The following GSN variants were observed in gnomAD, a reference collection of about 807,000 sequenced individuals.
GSN encodes the protein actin-depolymerizing factor.
In GSN, 56 loss-of-function variants were observed where a neutral mutation model predicts 85.7. The observed-to-expected ratio is 0.65, with a 90% CI of 0.53 to 0.82. The LOEUF (loss-of-function observed/expected upper bound fraction) is 0.82. Ranked by LOEUF, GSN falls within the 40% of genes least tolerant of loss-of-function variation. The pLI is 0.00. For synonymous variants in GSN, 373 were observed against 399.1 expected, an observed-to-expected ratio of 0.93 and a Z score of 0.78; for missense variants, 857 against 979.8, an observed-to-expected ratio of 0.87 and a Z score of 1.67.
intron 11 of GSN, 112 bp downstream of exon 11, chr9:121,321,513 T>C (rs1186055800): frequency 2.0e-6 from 2 of 985,662 alleles, no homozygotes; most frequent in Non-Finnish European, 3.1e-6. Context: ...CACTCCCTGC[T>C]GGGAGAGGCT....
At chr9:121,310,990 A>G in intron 5 of GSN, 145 bp downstream of exon 5, 1 of 732,332 alleles carries the variant, frequency 1.4e-6, no homozygotes. Context: ...ATATGTCTGT[A>G]TGCAAAGACT....
intron 4 of GSN, among the ~76,000 whole-genome samples, chr9:121,225,342 A>C (rs1481378694): frequency 6.6e-6 from 1 of 152,254 alleles, no homozygotes; most frequent in East Asian, 1.9e-4. Context: ...CCAGTCTTTT[A>C]AACACAAAAG....
At chr9:121,244,723 C>T (rs1019525528) in intron 5 of GSN, among the ~76,000 whole-genome samples, 17 of 152,096 alleles carry the variant, frequency 1.1e-4, no homozygotes, top group African/African-American at 4.1e-4. Context: ...GGTACATCCC[C>T]CAAATGAAGT....
At chr9:121,295,137 C>T (rs376820398) in intron 2 of GSN, among the ~76,000 whole-genome samples, 127 of 152,306 alleles carry the variant, frequency 8.3e-4, no homozygotes, top group Admixed American at 3.9e-4. Flanking sequence ...TTACTTTTGG[C>T]GAGCTCCTGT....
At chr9:121,208,322 C>T (rs1292250211) in intron 1 of GSN, among the ~76,000 whole-genome samples, 1 of 152,168 alleles carries the variant, frequency 6.6e-6, no homozygotes, top group East Asian at 1.9e-4. Context: ...AGGTTCCTGC[C>T]AGAGCCCTGA....
chr9:121,299,287 G>C lies in GSN; in HGVS notation c.-9-2676G>C. On this transcript the variant is annotated intron_variant, in intron 2 of 17. Coordinates refer to ENST00000432226, the MANE Select transcript of GSN (RefSeq NM_198252.3). The surrounding 1 kb of genome is among the most constrained non-coding windows in gnomAD (Gnocchi z 4.2). ...CCTGCCCACGGGAGCCGGGTCCCCTGCCCTGCTGCGGCGCATGCTGCCTGG... is the reference window on the plus strand; with the variant it reads ...CCTGCCCACGGGAGCCGGGTCCCCTCCCCTGCTGCGGCGCATGCTGCCTGG... 1.0e-6 allele frequency: 1 copy of C among 985,360 alleles called. No individual in the cohort carries two copies. 61.0% of individuals were successfully genotyped at this position (985,360 alleles called of 1,614,324 possible). A position where few individuals can be genotyped will look rare whatever the true frequency, so the allele number is the denominator to read the frequency against.
chr9:121,268,084 CCCCGCCCCGAGGGCGGCT>C (rs1442634301), upstream of GSN: 1 of 151,670 alleles, frequency 6.6e-6, no homozygotes, highest in Non-Finnish European at 1.5e-5. Context: ...TGCCCGGCCG[CCCCGCCCCGAGGGCGGCT>C]CCCGCCCGCG....
In GSN at chr9:121,324,542, T is replaced by C. The variant is rs370948600; in HGVS notation, c.1326-12T>C. On this transcript the variant is annotated splice_polypyrimidine_tract_variant and intron_variant, in intron 11 of 17. Transcript: ENST00000432226. ...TGTGCACCCTGATGCTGAATCTCAC[T>C]TCCCCTTCCAGGCAGGGTGCCCAGT... 3 of 1,432,316 alleles carry C rather than the reference T, an allele frequency of 2.1e-6. No individual in the cohort carries two copies. The African/African-American group carries it at 4.2e-5, about 20-fold the overall frequency. 88.7% of individuals were successfully genotyped at this position (1,432,316 alleles called of 1,614,324 possible). A position where few individuals can be genotyped will look rare whatever the true frequency, so the allele number is the denominator to read the frequency against.
intron 2 of GSN, among the ~76,000 whole-genome samples, chr9:121,296,103 A>T (rs1402967991): frequency 6.6e-6 from 1 of 151,626 alleles, no homozygotes; most frequent in Non-Finnish European, 1.5e-5. Context: ...TGCTCCGGAG[A>T]CTCCTGGCTG....
At chr9:121,238,685 A>T (rs16910444) in intron 5 of GSN, 4,824 of 362,440 alleles carry the variant, frequency 0.013, 233 homozygotes, top group African/African-American at 0.095. Flanking sequence ...TCTTCAGCAT[A>T]TCTTTGGGGA....
At chr9:121,211,527 G>A (rs1356584422) in intron 4 of GSN, among the ~76,000 whole-genome samples, 2 of 152,128 alleles carry the variant, frequency 1.3e-5, no homozygotes, top group South Asian at 2.1e-4. Context: ...TGTAAAAGTT[G>A]CTATTAATAA....
chr9:121,314,167 A>G (rs1174723988), intron 7 of GSN, 144 bp downstream of exon 7: 1 of 717,424 alleles, frequency 1.4e-6, no homozygotes, highest in African/African-American at 1.7e-5. Flanking sequence ...TCTCCAGTGG[A>G]TGCTCGTGTA....
chr9:121,263,678 G>A (rs1240763237), upstream of GSN, among the ~76,000 whole-genome samples: 2 of 152,034 alleles, frequency 1.3e-5, no homozygotes, highest in Non-Finnish European at 2.9e-5. Context: ...ATCACCTGAG[G>A]TCGGGAGTTC....
At chr9:121,269,029 C>T (rs1300001301) in intron 1 of GSN, among the ~76,000 whole-genome samples, 3 of 152,220 alleles carry the variant, frequency 2.0e-5, no homozygotes, top group Non-Finnish European at 4.4e-5. Context: ...AGCTCCTTGT[C>T]TGCCCAGACA....
chr9:121,317,773 T>C (rs558051296), intron 8 of GSN: 43 of 202,110 alleles, frequency 2.1e-4, no homozygotes, highest in Non-Finnish European at 3.1e-4. Context: ...CCTCCCCTGA[T>C]TCTCTAAGGC....
intron 4 of GSN, among the ~76,000 whole-genome samples, chr9:121,215,151 CT>C (rs2054037389): frequency 6.6e-6 from 1 of 151,362 alleles, no homozygotes; most frequent in African/African-American, 2.4e-5. Flanking sequence ...ATATGGCTGT[CT>C]TCTCCCTGTG....
At chr9:121,303,360 G>A (rs532551035) in intron 4 of GSN, among the ~76,000 whole-genome samples, 76 of 152,318 alleles carry the variant, frequency 5.0e-4, no homozygotes, top group African/African-American at 1.7e-3. Context: ...GTGGGCCAGA[G>A]GTGAAAATCC....
Position 121,299,515 on chromosome 9 carries a change from G to C in GSN, c.-9-2448G>C. On this transcript the variant is annotated intron_variant, in intron 2 of 17. Transcript: ENST00000432226. This position sits in a 1 kb window ranked among gnomAD's most constrained non-coding sequence, Gnocchi z 4.2. ...GTTAGTTCATGTTATTTTTTTGCTG[G>C]AGGTGTTAGGTGCGGAGAGGCGAGG... 2 of 975,816 alleles carry C rather than the reference G, an allele frequency of 2.0e-6. No homozygotes were observed. Among genetic ancestry groups the C allele is most frequent in the Non-Finnish European group, 2.4e-6 (2 of 821,120 alleles). The allele number at this position is 975,816 out of a possible 1,614,324, so 60.4% of individuals were successfully genotyped here. A position where few individuals can be genotyped will look rare whatever the true frequency, so the allele number is the denominator to read the frequency against.
At chr9:121,322,862 G>A (rs1410415402) in intron 11 of GSN, among the ~76,000 whole-genome samples, 1 of 139,482 alleles carries the variant, frequency 7.2e-6, no homozygotes, top group Non-Finnish European at 1.5e-5. Context: ...ACAGGGTCTT[G>A]CTCTGTTGGC....
Sources: allele counts gnomAD v4.1 joint callset (sites outside exome capture counted in the v4.1 genomes callset), GRCh38; gene constraint gnomAD v4.1.1; non-coding constraint Gnocchi (gnomAD v3.1); transcripts MANE v1.5; gene names NCBI Gene and HGNC (gene_info 2026-07-23, HGNC 2026-07-21).